STOX2: variants seen among roughly 807,000 people sequenced by gnomAD.
STOX2 encodes the protein storkhead box 2.
Under a neutral mutation model 60.9 loss-of-function variants are expected in STOX2, and 28 were observed. The observed-to-expected ratio is 0.46, with a 90% CI of 0.34 to 0.63. The LOEUF (loss-of-function observed/expected upper bound fraction) is 0.63. Ranked by LOEUF, STOX2 falls within the 30% of genes least tolerant of loss-of-function variation. The probability of loss-of-function intolerance (pLI) is 0.01; values close to 1 mark genes in which losing one functional copy is unlikely to be tolerated. For missense variants in STOX2, 1,024 were observed against 1,187.7 expected (o/e 0.86, Z 2.03); for synonymous variants, 472 against 463.9 (o/e 1.02, Z -0.22).
At chr4:183,988,647 G>A (rs1282531177) in intron 1 of STOX2, 1 of 152,586 alleles carries the variant, frequency 6.6e-6, no homozygotes, top group Admixed American at 6.5e-5. Flanking sequence ...AATCTGAAAT[G>A]CTCATTTAGG....
intron 1 of STOX2, among the ~76,000 whole-genome samples, chr4:183,943,187 G>C (rs1273474657): frequency 6.6e-6 from 1 of 152,216 alleles, no homozygotes; most frequent in African/African-American, 2.4e-5. Context: ...TTATGGGACA[G>C]TGACCGTGTG....
chr4:183,879,114 T>C (rs186033596), intron 1 of STOX2, among the ~76,000 whole-genome samples: 51 of 152,320 alleles, frequency 3.3e-4, no homozygotes, highest in African/African-American at 1.1e-3. Context: ...GTGTTTGTTA[T>C]TATTTTAGTG....
rs1180048133 is a variant in STOX2 at position 184,007,186 on chromosome 4, A to G, written c.320-1972A>G. Reference sequence around the variant, plus strand: ...TGATACATTATCTATGAACAATGCTACCTTTTCCGCCTTGGTCACTAAAGA... The same window carrying G: ...TGATACATTATCTATGAACAATGCTGCCTTTTCCGCCTTGGTCACTAAAGA... On this transcript the variant is annotated intron_variant, in intron 2 of 3. Coordinates refer to ENST00000308497, the MANE Select transcript of STOX2 (RefSeq NM_020225.3). Among the ~76,000 whole-genome samples, 28 of 152,146 alleles carry G rather than the reference A, an allele frequency of 1.8e-4. 1 individual carries two copies. Among genetic ancestry groups the G allele is most frequent in the Admixed American group, 1.8e-3 (28 of 15,272 alleles).
At chr4:183,899,060 T>C (rs1741404212) in intron 1 of STOX2, among the ~76,000 whole-genome samples, 1 of 152,230 alleles carries the variant, frequency 6.6e-6, no homozygotes, top group Admixed American at 6.5e-5. Context: ...TCATTTTTGT[T>C]ATATGTGTTA....
Position 183,825,821 on chromosome 4 carries a change from C to A in STOX2, c.364+27766C>A, listed in dbSNP as rs1447884421. 6.6e-6 allele frequency among the ~76,000 whole-genome samples: 1 copy of A among 152,068 alleles called. No individual in the cohort carries two copies. Among genetic ancestry groups the A allele is most frequent in the Non-Finnish European group, 1.5e-5 (1 of 68,008 alleles). On this transcript the variant is annotated intron_variant, in intron 1 of 2. Transcript: ENST00000513034. This position sits in a 1 kb window ranked among gnomAD's most constrained non-coding sequence, Gnocchi z 4.1. ...GCTGCTCTGGGCTCCTGAGCACAGG[C>A]AGGGTGTGATCAAATCAGTGTTTGG...
At chr4:183,997,867 A>G (rs921582619) in intron 1 of STOX2, among the ~76,000 whole-genome samples, 1 of 152,128 alleles carries the variant, frequency 6.6e-6, no homozygotes, top group Non-Finnish European at 1.5e-5. Flanking sequence ...TTTCCAAAGT[A>G]AATGCCATTC....
At chr4:183,822,414 T>C (rs1345731774) in intron 1 of STOX2, among the ~76,000 whole-genome samples, 1 of 152,200 alleles carries the variant, frequency 6.6e-6, no homozygotes, top group Non-Finnish European at 1.5e-5. Flanking sequence ...TGTGATTACA[T>C]TGTTATATAT....
intron 1 of STOX2, among the ~76,000 whole-genome samples, chr4:183,913,439 G>C (rs954250062): frequency 1.3e-5 from 2 of 152,048 alleles, no homozygotes; most frequent in African/African-American, 2.4e-5. Flanking sequence ...GTGTGTGGGG[G>C]TTGATGTGGT....
In STOX2 at chr4:184,019,347, T is replaced by C. The variant is rs1734491134; in HGVS notation, c.*2063T>C. ...ATGATCATGTATCTAATAGACTACATAGTTGGTTCCCTTGGGGAGTTATAT... is the reference window on the plus strand; with the variant it reads ...ATGATCATGTATCTAATAGACTACACAGTTGGTTCCCTTGGGGAGTTATAT... On this transcript the variant is annotated 3_prime_UTR_variant, in exon 4 of 4. Coordinates refer to ENST00000308497, the MANE Select transcript of STOX2 (RefSeq NM_020225.3). 1 of 152,206 alleles carries C rather than the reference T, an allele frequency of 6.6e-6. No homozygotes were observed. Among genetic ancestry groups the C allele is most frequent in the African/African-American group, 2.4e-5 (1 of 41,458 alleles). The allele number at this position is 152,206 out of a possible 1,614,324, so 9.4% of individuals were successfully genotyped here.
chr4:183,978,494 G>A (rs1327297063), intron 1 of STOX2, among the ~76,000 whole-genome samples: 1 of 152,078 alleles, frequency 6.6e-6, no homozygotes, highest in African/African-American at 2.4e-5. Flanking sequence ...ATACTATTTT[G>A]GTTACTATAG....
chr4:183,934,159 C>T (rs192896621), intron 1 of STOX2, among the ~76,000 whole-genome samples: 4 of 147,620 alleles, frequency 2.7e-5, no homozygotes, highest in South Asian at 2.2e-4. Context: ...AAAAATTAGC[C>T]GGGCATGGTG....
At chr4:183,994,070 T>C (rs187073127) in intron 1 of STOX2, among the ~76,000 whole-genome samples, 2 of 152,366 alleles carry the variant, frequency 1.3e-5, no homozygotes, top group East Asian at 1.9e-4. Flanking sequence ...TCTGAGGCGC[T>C]GCATCCGAGA....
chr4:183,862,300 C>A (rs555512192), intron 1 of STOX2, among the ~76,000 whole-genome samples: 2 of 152,304 alleles, frequency 1.3e-5, no homozygotes, highest in East Asian at 1.9e-4. Flanking sequence ...CTCAGCCTCC[C>A]TAGTAGCTGG....
At chr4:184,003,019 T>C (rs770389598) in intron 2 of STOX2, among the ~76,000 whole-genome samples, 36 of 152,254 alleles carry the variant, frequency 2.4e-4, no homozygotes, top group Non-Finnish European at 4.3e-4. Flanking sequence ...TCTGATTGCC[T>C]GTCTCTTTTT....
chr4:183,910,477 G>A (rs1262652742), intron 1 of STOX2, among the ~76,000 whole-genome samples: 3 of 152,142 alleles, frequency 2.0e-5, no homozygotes, highest in Non-Finnish European at 4.4e-5. Flanking sequence ...CACGAATGAT[G>A]CTGCTAACTT....
chr4:183,975,207 G>A (rs1732403862), intron 1 of STOX2, among the ~76,000 whole-genome samples: 1 of 151,876 alleles, frequency 6.6e-6, no homozygotes, highest in African/African-American at 2.4e-5. Context: ...AGGGAAATAT[G>A]GAGGATTAAA....
chr4:183,934,943 T>C (rs560921066), intron 1 of STOX2, among the ~76,000 whole-genome samples: 10 of 152,380 alleles, frequency 6.6e-5, no homozygotes, highest in African/African-American at 1.9e-4. Flanking sequence ...TCAGGTTGCA[T>C]GGGTGCCTCA....
At chr4:183,895,870 G>A (rs1193610481) in intron 1 of STOX2, among the ~76,000 whole-genome samples, 2 of 152,178 alleles carry the variant, frequency 1.3e-5, no homozygotes, top group African/African-American at 2.4e-5. Context: ...AATAGGAAGG[G>A]CACTGTTGTT....
rs1482317474 is a variant in STOX2, at chr4:184,009,484, A to G, written c.646A>G (p.Arg216Gly). ...VHSTHAPTLQ[R>G]KSAKDCKDPY... is the part of the protein sequence containing the mutation. ...CAGCACGCATGCACCCACCCTGCAA[A>G]GGAAGTCTGCCAAGGACTGCAAAGA... The change falls in exon 3 of 4, where the codon AGG (arginine) becomes GGG (glycine). Residue 216 changes from arginine to glycine, a missense_variant. Coordinates refer to ENST00000308497, the MANE Select transcript of STOX2 (RefSeq NM_020225.3). The surrounding 1 kb of genome is among the most constrained non-coding windows in gnomAD (Gnocchi z 4.0). The G allele has an allele frequency of 6.2e-7, 1 of 1,614,048 alleles. No homozygotes were observed. The highest frequency in any genetic ancestry group is 8.5e-7 in the Non-Finnish European group (1 of 1,179,896).
Sources: gnomAD v4.1 joint callset for allele counts (sites outside exome capture counted in the v4.1 genomes callset) on GRCh38, gnomAD v4.1.1 for gene constraint, Gnocchi (gnomAD v3.1) non-coding constraint, MANE v1.5 for transcripts, NCBI Gene and HGNC (gene_info 2026-07-23, HGNC 2026-07-21) for gene names.